The following LINGO2 variants were observed in gnomAD, a reference collection of about 807,000 sequenced individuals.
LINGO2 encodes leucine rich repeat and Ig domain containing 2.
A neutral mutation model predicts 30.6 loss-of-function variants in LINGO2; 14 were observed. The ratio of observed to expected loss-of-function variants is 0.46; its 90% CI spans 0.30 to 0.72. LINGO2 has a LOEUF of 0.72. LINGO2 is among the 30% of genes least tolerant of loss of function. The probability of loss-of-function intolerance (pLI) is 0.07; values close to 1 mark genes in which losing one functional copy is unlikely to be tolerated. For synonymous variants in LINGO2, 317 were observed against 288.5 expected (o/e 1.10, Z -1.00); for missense variants, 729 against 751.7 (o/e 0.97, Z 0.35).
intron 1 of LINGO2, among the ~76,000 whole-genome samples, chr9:28,569,900 T>G (rs1320198363): frequency 6.6e-6 from 1 of 151,942 alleles, no homozygotes; most frequent in Non-Finnish European, 1.5e-5. Flanking sequence ...ATTGTATACC[T>G]TAAATATTTA....
At chr9:29,091,103 C>T in the LINGO2 span, among the ~76,000 whole-genome samples, 200 of 152,112 alleles carry the variant, frequency 1.3e-3, no homozygotes, top group African/African-American at 4.6e-3. Context: ...TTCTTGTTGA[C>T]ATTCATGATA....
chr9:28,337,464 A>C (rs924858013), intron 3 of LINGO2, among the ~76,000 whole-genome samples: 24 of 152,200 alleles, frequency 1.6e-4, no homozygotes, highest in Non-Finnish European at 2.8e-4. Context: ...CCAGCTGCAG[A>C]AATTTGTATA....
the LINGO2 span, among the ~76,000 whole-genome samples, chr9:29,016,222 T>C: frequency 3.9e-5 from 6 of 152,204 alleles, no homozygotes; most frequent in East Asian, 1.9e-4. Flanking sequence ...TACTCATTCA[T>C]TTCCCTTAAA....
chr9:28,999,948 C>T, the LINGO2 span, among the ~76,000 whole-genome samples: 38 of 151,914 alleles, frequency 2.5e-4, no homozygotes, highest in Non-Finnish European at 4.7e-4. Flanking sequence ...GAAAGAACCC[C>T]ATATACTAAA....
At chr9:28,337,677 A>G (rs1255298398) in intron 3 of LINGO2, among the ~76,000 whole-genome samples, 1 of 152,116 alleles carries the variant, frequency 6.6e-6, no homozygotes, top group Non-Finnish European at 1.5e-5. Flanking sequence ...ATCTCCAGCC[A>G]TTGCTAAAGG....
At chr9:28,183,003 C>G (rs567100820) in intron 4 of LINGO2, among the ~76,000 whole-genome samples, 2 of 152,158 alleles carry the variant, frequency 1.3e-5, no homozygotes, top group African/African-American at 2.4e-5. Context: ...AAGACACATG[C>G]ACTCGTATGT....
At chr9:29,156,894 A>G in the LINGO2 span, among the ~76,000 whole-genome samples, 191 of 152,108 alleles carry the variant, frequency 1.3e-3, 3 homozygotes, top group South Asian at 0.025. Context: ...TAAGCCCAAA[A>G]TTTCAAATTT....
chr9:29,037,190 T>G, the LINGO2 span, among the ~76,000 whole-genome samples: 1 of 151,902 alleles, frequency 6.6e-6, no homozygotes, highest in Non-Finnish European at 1.5e-5. Context: ...TTTTTGGAGT[T>G]GTTTTCCTAA....
At chr9:27,958,757 A>G (rs1819698516) in intron 5 of LINGO2, among the ~76,000 whole-genome samples, 1 of 149,516 alleles carries the variant, frequency 6.7e-6, no homozygotes, top group Admixed American at 6.6e-5. Context: ...TGGAACGTAT[A>G]CCCTGTGGTT....
intron 1 of LINGO2, among the ~76,000 whole-genome samples, chr9:28,478,358 G>A (rs1485706636): frequency 1.3e-5 from 2 of 151,616 alleles, no homozygotes; most frequent in African/African-American, 4.8e-5. Context: ...TTGATTTAAA[G>A]CATTGCTTCT....
chr9:28,081,749 C>G (rs76953672), intron 4 of LINGO2, among the ~76,000 whole-genome samples: 1 of 152,092 alleles, frequency 6.6e-6, no homozygotes, highest in African/African-American at 2.4e-5. Context: ...TTTAGAGGTG[C>G]TGTAAAGATT....
intron 4 of LINGO2, among the ~76,000 whole-genome samples, chr9:28,281,402 T>C (rs926315533): frequency 1.3e-5 from 2 of 152,030 alleles, no homozygotes; most frequent in African/African-American, 4.8e-5. Flanking sequence ...CAGTTAACTA[T>C]TAAGACCCAC....
the LINGO2 span, among the ~76,000 whole-genome samples, chr9:28,732,206 C>A: frequency 4.6e-5 from 7 of 151,988 alleles, no homozygotes; most frequent in Non-Finnish European, 7.4e-5. Context: ...AATACCTCAG[C>A]CCTCACTGAT....
At chr9:28,826,823 C>T in the LINGO2 span, among the ~76,000 whole-genome samples, 19 of 152,210 alleles carry the variant, frequency 1.2e-4, no homozygotes, top group Admixed American at 4.6e-4. Flanking sequence ...CATAGCTGCA[C>T]GATTGCAGTA....
intron 5 of LINGO2, among the ~76,000 whole-genome samples, chr9:27,982,572 G>A (rs751102637): frequency 6.6e-6 from 1 of 151,870 alleles, no homozygotes; most frequent in African/African-American, 2.4e-5. Flanking sequence ...ATCCCTTTTT[G>A]TGAATGGGAA....
intron 1 of LINGO2, among the ~76,000 whole-genome samples, chr9:28,659,100 T>C (rs931958255): frequency 6.6e-6 from 1 of 152,098 alleles, no homozygotes; most frequent in African/African-American, 2.4e-5. Context: ...AAAACTTAAT[T>C]TGGAGACTAC....
the LINGO2 span, among the ~76,000 whole-genome samples, chr9:29,134,581 A>T: frequency 6.6e-6 from 1 of 152,124 alleles, no homozygotes; most frequent in Non-Finnish European, 1.5e-5. Flanking sequence ...CCAATCGATG[A>T]ACTGACAGAC....
At chr9:28,853,312 A>C in the LINGO2 span, among the ~76,000 whole-genome samples, 1 of 152,016 alleles carries the variant, frequency 6.6e-6, no homozygotes, top group South Asian at 2.1e-4. Flanking sequence ...GCACTCATAC[A>C]AACTTGAATG....
At chr9:28,815,008 G>T in the LINGO2 span, among the ~76,000 whole-genome samples, 4 of 152,118 alleles carry the variant, frequency 2.6e-5, no homozygotes, top group Non-Finnish European at 5.9e-5. Context: ...GAGAGAGCAG[G>T]ATCAAATAAT....
Sources: allele counts gnomAD v4.1 joint callset (sites outside exome capture counted in the v4.1 genomes callset), GRCh38; gene constraint gnomAD v4.1.1; transcripts MANE v1.5; gene names NCBI Gene and HGNC (gene_info 2026-07-23, HGNC 2026-07-21).